MICU1: variants seen among roughly 807,000 people sequenced by gnomAD.
MICU1 encodes the protein mitochondrial calcium uptake 1.
Under a neutral mutation model 56.8 loss-of-function variants are expected in MICU1, and 45 were observed. The ratio of observed to expected loss-of-function variants is 0.79; its 90% CI spans 0.62 to 1.02. MICU1 has a LOEUF of 1.02. Ranked by LOEUF, MICU1 falls within the 50% of genes least tolerant of loss-of-function variation. The pLI is 0.00. For missense variants in MICU1, 504 were observed against 587.1 expected (o/e 0.86, Z 1.46); for synonymous variants, 186 against 195.1 (o/e 0.95, Z 0.39).
chr10:72,432,846 A>G (rs141014685), intron 8 of MICU1, among the ~76,000 whole-genome samples: 1 of 152,294 alleles, frequency 6.6e-6, no homozygotes, highest in Non-Finnish European at 1.5e-5. Context: ...GAATATCCAA[A>G]CCACATCACT....
intron 3 of MICU1, among the ~76,000 whole-genome samples, chr10:72,558,866 A>T (rs1038770144): frequency 3.3e-5 from 5 of 152,214 alleles, no homozygotes; most frequent in Admixed American, 2.0e-4. Flanking sequence ...AAAATCTTTT[A>T]AAAAATTAGC....
At chr10:72,549,032 T>C (rs1456980794) in intron 4 of MICU1, among the ~76,000 whole-genome samples, 1 of 152,046 alleles carries the variant, frequency 6.6e-6, no homozygotes, top group African/African-American at 2.4e-5. Context: ...ATTTCATACA[T>C]TTTGGAGGGG....
At chr10:72,539,000 G>A (rs1409044861) in intron 4 of MICU1, among the ~76,000 whole-genome samples, 1 of 151,896 alleles carries the variant, frequency 6.6e-6, no homozygotes, top group Non-Finnish European at 1.5e-5. Flanking sequence ...GACAAAGAAG[G>A]TATTATTTAG....
intron 10 of MICU1, among the ~76,000 whole-genome samples, chr10:72,401,461 C>T (rs1863453355): frequency 6.6e-6 from 1 of 152,140 alleles, no homozygotes. Context: ...TGAGACCTGT[C>T]TGGCCAACAT....
At chr10:72,514,698 C>T (rs1170618013) in intron 5 of MICU1, among the ~76,000 whole-genome samples, 1 of 152,154 alleles carries the variant, frequency 6.6e-6, no homozygotes, top group East Asian at 1.9e-4. Context: ...TTCTTCAATG[C>T]TTACTTAGCA....
chr10:72,524,774 A>T lies in MICU1; in HGVS notation c.537+8972T>A, dbSNP rs1457368526. On this transcript the variant is annotated intron_variant, in intron 5 of 11. Transcript: ENST00000361114. The stretch of plus-strand genomic sequence containing the variant: ...AATCAGAAGATGAGAAAAAGAAAAA[A>T]CATTGACATTGTTTGATTATATGAA... The T allele has an allele frequency of 3.3e-6, 4 of 1,227,062 alleles. No individual in the cohort carries two copies. The Admixed American group carries it at 1.3e-4, about 39-fold the overall frequency. 76.0% of individuals were successfully genotyped at this position (1,227,062 alleles called of 1,614,324 possible).
At chr10:72,578,678 G>C (rs958274964) in intron 1 of MICU1, among the ~76,000 whole-genome samples, 4 of 152,000 alleles carry the variant, frequency 2.6e-5, no homozygotes, top group Non-Finnish European at 5.9e-5. Flanking sequence ...TGCAATCTTG[G>C]CTCACTACAG....
intron 5 of MICU1, among the ~76,000 whole-genome samples, chr10:72,518,310 A>G (rs561491305): frequency 2.6e-5 from 4 of 152,142 alleles, no homozygotes; most frequent in Non-Finnish European, 5.9e-5. Context: ...CTGGGATTAC[A>G]GGCGTGAGCC....
intron 6 of MICU1, chr10:72,502,870 T>C: frequency 5.8e-6 from 1 of 173,730 alleles, no homozygotes; most frequent in Non-Finnish European, 1.2e-5. Context: ...AAACTCAGAT[T>C]GCAAGGATGC....
At chr10:72,553,309 C>T (rs1840082335) in intron 3 of MICU1, among the ~76,000 whole-genome samples, 1 of 150,490 alleles carries the variant, frequency 6.6e-6, no homozygotes, top group Non-Finnish European at 1.5e-5. Context: ...TCTTGGCTCA[C>T]TGCAAGCTCT....
At chr10:72,610,944 A>G (rs1841827757) in intron 1 of MICU1, among the ~76,000 whole-genome samples, 1 of 152,198 alleles carries the variant, frequency 6.6e-6, no homozygotes, top group African/African-American at 2.4e-5. Flanking sequence ...AGTACAAAGA[A>G]AAACTTCCTG....
chr10:72,502,297 G>A (rs536496129), intron 6 of MICU1, among the ~76,000 whole-genome samples: 1 of 152,070 alleles, frequency 6.6e-6, no homozygotes, highest in East Asian at 1.9e-4. Flanking sequence ...TGGGACTACA[G>A]GTATGTACCA....
chr10:72,556,587 C>T (rs2132455135), intron 3 of MICU1, among the ~76,000 whole-genome samples: 1 of 152,180 alleles, frequency 6.6e-6, no homozygotes, highest in Admixed American at 6.5e-5. Context: ...GATCCACCCA[C>T]CTCGGCCTCC....
intron 9 of MICU1, among the ~76,000 whole-genome samples, chr10:72,410,142 C>T (rs1589187143): frequency 6.6e-6 from 1 of 152,266 alleles, no homozygotes; most frequent in Middle Eastern, 3.4e-3. Context: ...TTATATATGG[C>T]TTCTCTCTTT....
intron 1 of MICU1, among the ~76,000 whole-genome samples, chr10:72,573,316 A>C (rs984100260): frequency 6.7e-6 from 1 of 148,708 alleles, no homozygotes; most frequent in Non-Finnish European, 1.5e-5. Context: ...ACAAAAAAAA[A>C]AAAAAAAAAA....
intron 8 of MICU1, among the ~76,000 whole-genome samples, chr10:72,441,789 T>G (rs1312645775): frequency 6.6e-6 from 1 of 151,696 alleles, no homozygotes; most frequent in African/African-American, 2.4e-5. Flanking sequence ...GCTATTTTTT[T>G]GTATTTTTAG....
intron 3 of MICU1, among the ~76,000 whole-genome samples, chr10:72,556,323 T>C (rs1840158047): frequency 6.6e-6 from 1 of 152,164 alleles, no homozygotes; most frequent in Admixed American, 6.5e-5. Context: ...ATAATATACA[T>C]AAATTCCAAT....
At chr10:72,526,553 C>G (rs1336577033) in intron 5 of MICU1, among the ~76,000 whole-genome samples, 1 of 152,188 alleles carries the variant, frequency 6.6e-6, no homozygotes, top group Non-Finnish European at 1.5e-5. Flanking sequence ...GCCTCGGCCT[C>G]CCAAAGTGCT....
rs1862184579 is a variant in MICU1, at chr10:72,367,427, G to A, written c.*768C>T. On this transcript the variant is annotated 3_prime_UTR_variant, in exon 12 of 12. Coordinates refer to ENST00000361114, the MANE Select transcript of MICU1 (RefSeq NM_001195518.2). ...AGAGGGCAAACAGGCTCTGAGCCAG[G>A]CCTCAGCTTTAGAGGCCCATCCTGG... The A allele has an allele frequency of 6.6e-6, 1 of 152,352 alleles. No individual in the cohort carries two copies. The highest frequency in any genetic ancestry group is 1.5e-5 in the Non-Finnish European group (1 of 68,046). 9.4% of individuals were successfully genotyped at this position (152,352 alleles called of 1,614,324 possible).
Sources: gnomAD v4.1 joint callset for allele counts (sites outside exome capture counted in the v4.1 genomes callset) on GRCh38, gnomAD v4.1.1 for gene constraint, MANE v1.5 for transcripts, NCBI Gene and HGNC (gene_info 2026-07-23, HGNC 2026-07-21) for gene names.